Variants in FGD4 observed in about 807,000 individuals in gnomAD.
FGD4 encodes FYVE, RhoGEF and PH domain containing 4.
In FGD4, 42 loss-of-function variants were observed where a neutral mutation model predicts 102.0. The observed-to-expected ratio is 0.41, with a 90% CI of 0.32 to 0.53. The LOEUF is 0.53. Among genes scored for constraint, FGD4 ranks in the 20% least tolerant of loss-of-function variants. The pLI is 0.21. For missense variants in FGD4, 902 were observed against 1,078.2 expected, an observed-to-expected ratio of 0.84 and a Z score of 2.29; for synonymous variants, 380 against 375.7, an observed-to-expected ratio of 1.01 and a Z score of -0.13.
At chr12:32,563,819 C>T (rs879977596) in intron 1 of FGD4, among the ~76,000 whole-genome samples, 1 of 152,138 alleles carries the variant, frequency 6.6e-6, no homozygotes, top group Non-Finnish European at 1.5e-5. Context: ...GCCAACCCAG[C>T]GAAACCCCGT....
rs190706452 is a variant in FGD4 at position 32,573,728 on chromosome 12, C to A, written c.320-2538C>A. Among the ~76,000 whole-genome samples, 293 of 152,224 alleles carry A rather than the reference C, an allele frequency of 1.9e-3. 1 individual carries two copies. Among genetic ancestry groups the A allele is most frequent in the East Asian group, 9.6e-4 (5 of 5,182 alleles). ...CTGTACATTTACATTTTCTCCCTTGCTGAATTTGATACCTCCTCTGTGCTT... is the reference window on the plus strand; with the variant it reads ...CTGTACATTTACATTTTCTCCCTTGATGAATTTGATACCTCCTCTGTGCTT... On this transcript the variant is annotated intron_variant, in intron 2 of 16. Coordinates refer to ENST00000534526, the MANE Select transcript of FGD4 (RefSeq NM_001370298.3).
At chr12:32,497,767 C>G (rs1038455390) in intron 1 of FGD4, among the ~76,000 whole-genome samples, 2 of 152,184 alleles carry the variant, frequency 1.3e-5, no homozygotes, top group Non-Finnish European at 2.9e-5. Context: ...GCCATTTCAA[C>G]TGGTACTTGA....
At chr12:32,499,801 A>G (rs1223900459) in intron 1 of FGD4, among the ~76,000 whole-genome samples, 1 of 152,176 alleles carries the variant, frequency 6.6e-6, no homozygotes, top group Non-Finnish European at 1.5e-5. Context: ...GGATCACTTG[A>G]GCTCAGGAGT....
rs1943084505 is a variant in FGD4 at position 32,544,543 on chromosome 12, T to C, written c.167-19594T>C. Among the ~76,000 whole-genome samples the C allele has an allele frequency of 1.3e-5, 2 of 151,316 alleles. No individual in the cohort carries two copies. The highest frequency in any genetic ancestry group is 4.2e-4 in the South Asian group (2 of 4,772). The stretch of plus-strand genomic sequence containing the variant: ...ACTCAGTCGTTTGAGACCAGCCTGG[T>C]CAGTATGGTGAAATCCCGTCTCTAC... On this transcript the variant is annotated intron_variant, in intron 1 of 16. Transcript: ENST00000534526. This position sits in a 1 kb window ranked among gnomAD's most constrained non-coding sequence, Gnocchi z 4.1.
At chr12:32,468,958 T>G (rs1324498825) in intron 1 of FGD4, among the ~76,000 whole-genome samples, 1 of 152,080 alleles carries the variant, frequency 6.6e-6, no homozygotes, top group Admixed American at 6.5e-5. Flanking sequence ...CCCGAGTAGC[T>G]GGGATTACAG....
intron 1 of FGD4, among the ~76,000 whole-genome samples, chr12:32,514,447 C>T (rs955246254): frequency 1.2e-4 from 18 of 152,096 alleles, no homozygotes; most frequent in African/African-American, 3.4e-4. Flanking sequence ...CTATCATTAA[C>T]GTATTTTCAG....
intron 7 of FGD4, among the ~76,000 whole-genome samples, chr12:32,603,642 C>T (rs1049419218): frequency 6.6e-6 from 1 of 151,962 alleles, no homozygotes; most frequent in Non-Finnish European, 1.5e-5. Flanking sequence ...GCCTCGGCCT[C>T]CCAAAATGCT....
intron 1 of FGD4, among the ~76,000 whole-genome samples, chr12:32,479,850 G>C (rs547138354): frequency 3.9e-4 from 55 of 140,096 alleles, no homozygotes; most frequent in African/African-American, 1.4e-3. Flanking sequence ...GTTCAGTGGC[G>C]CAATCTCGGC....
At chr12:32,472,978 A>T (rs1943460605) in intron 1 of FGD4, among the ~76,000 whole-genome samples, 1 of 151,986 alleles carries the variant, frequency 6.6e-6, no homozygotes. Context: ...ACCAATCAGC[A>T]CCCTGTGTTT....
At chr12:32,542,860 G>A (rs920543608) in intron 1 of FGD4, among the ~76,000 whole-genome samples, 1 of 152,182 alleles carries the variant, frequency 6.6e-6, no homozygotes, top group Admixed American at 6.5e-5. Flanking sequence ...CATATAAGGG[G>A]ATGTCTAGGT....
At chr12:32,605,389 G>A (rs532058856) in intron 7 of FGD4, among the ~76,000 whole-genome samples, 2 of 151,924 alleles carry the variant, frequency 1.3e-5, no homozygotes, top group Admixed American at 6.6e-5. Context: ...TTGGGCTCCT[G>A]CTTTGATTTT....
intron 7 of FGD4, among the ~76,000 whole-genome samples, chr12:32,604,990 G>A (rs1046341132): frequency 3.0e-5 from 4 of 133,050 alleles, no homozygotes; most frequent in African/African-American, 9.0e-5. Context: ...CCAGGCTGGA[G>A]TGCAGTGGTA....
intron 5 of FGD4, chr12:32,600,580 CTTTCTTTCTTTCTT>C: frequency 3.8e-6 from 1 of 265,784 alleles, no homozygotes; most frequent in Non-Finnish European, 5.2e-6. Flanking sequence ...TTCTTTCTTT[CTTTCTTTCTTTCTT>C]TTTTTTTTTT....
intron 2 of FGD4, among the ~76,000 whole-genome samples, chr12:32,568,779 TTTG>T (rs1014199755): frequency 5.3e-5 from 8 of 152,192 alleles, no homozygotes; most frequent in African/African-American, 1.7e-4. Flanking sequence ...ATAGCCAGCT[TTTG>T]TTGTTTCTGT....
chr12:32,456,022 A>G (rs932340285), intron 1 of FGD4, among the ~76,000 whole-genome samples: 3 of 152,112 alleles, frequency 2.0e-5, no homozygotes, highest in African/African-American at 2.4e-5. Context: ...TCTCCATCCA[A>G]CCTTCTCAGC....
intron 1 of FGD4, among the ~76,000 whole-genome samples, chr12:32,503,993 A>G (rs913104714): frequency 2.0e-5 from 3 of 152,178 alleles, no homozygotes; most frequent in Non-Finnish European, 4.4e-5. Context: ...ACACTTCTCA[A>G]GTTCCTAGTG....
chr12:32,597,769 A>T (rs1014701716), intron 4 of FGD4, among the ~76,000 whole-genome samples: 6 of 152,202 alleles, frequency 3.9e-5, no homozygotes, highest in African/African-American at 1.4e-4. Context: ...GACAGAGGTG[A>T]GGGGGAGCGT....
chr12:32,626,193 C>T (rs901733457), intron 14 of FGD4, among the ~76,000 whole-genome samples: 1 of 152,126 alleles, frequency 6.6e-6, no homozygotes, highest in Non-Finnish European at 1.5e-5. Flanking sequence ...GCCTATAATC[C>T]CAGCACTTTG....
At chr12:32,404,323 C>G (rs1303978461) in intron 1 of FGD4, among the ~76,000 whole-genome samples, 2 of 151,730 alleles carry the variant, frequency 1.3e-5, no homozygotes, top group African/African-American at 4.8e-5. Flanking sequence ...CCCCAGTATC[C>G]TGAGAACTTC....
Sources: gnomAD v4.1 joint callset for allele counts (sites outside exome capture counted in the v4.1 genomes callset) on GRCh38, gnomAD v4.1.1 for gene constraint, Gnocchi (gnomAD v3.1) non-coding constraint, MANE v1.5 for transcripts, NCBI Gene and HGNC (gene_info 2026-07-23, HGNC 2026-07-21) for gene names.